Variants in FRMD5 observed in about 807,000 individuals in gnomAD.
FRMD5 encodes the protein FERM domain containing 5, also known as FERM domain-containing protein 5.
FRMD5 carries 20 observed loss-of-function variants against 69.0 expected under a neutral mutation model. That is an observed-to-expected ratio of 0.29 (90% CI 0.20 to 0.42). FRMD5 has a LOEUF of 0.42. Ranked by LOEUF, FRMD5 falls within the 10% of genes least tolerant of loss-of-function variation. The probability of loss-of-function intolerance (pLI) is 1.00; values close to 1 mark genes in which losing one functional copy is unlikely to be tolerated. For missense variants in FRMD5, 595 were observed against 708.6 expected (o/e 0.84, Z 1.82); for synonymous variants, 271 against 260.1 (o/e 1.04, Z -0.40).
At chr15:44,143,226 C>T (rs2077300483) in intron 1 of FRMD5, among the ~76,000 whole-genome samples, 1 of 152,180 alleles carries the variant, frequency 6.6e-6, no homozygotes, top group South Asian at 2.1e-4. Context: ...AGACACAGTA[C>T]ACCCTGAACA....
chr15:44,085,622 A>G (rs1424649351), intron 1 of FRMD5, among the ~76,000 whole-genome samples: 1 of 152,184 alleles, frequency 6.6e-6, no homozygotes, highest in African/African-American at 2.4e-5. Flanking sequence ...AAGTCTGGGC[A>G]TTATCTTATA....
chr15:43,888,246 T>C lies in FRMD5; in HGVS notation c.813A>G (p.Thr271=). The C allele has an allele frequency of 1.2e-6, 2 of 1,613,694 alleles. No individual in the cohort carries two copies. The highest frequency in any genetic ancestry group is 8.5e-7 in the Non-Finnish European group (1 of 1,179,642). Residue 271 remains threonine, a synonymous_variant, in exon 10 of 14, where the codon ACA becomes ACG. Transcript: ENST00000417257. The stretch of plus-strand genomic sequence containing the variant: ...ACGCTTCAGGAGTTGGAGCAAAATA[T>C]GTAAGAATAATTTTCTTTTCCTGCA... ...SQKEEKKIIL[T]YFAPTPEACK... is the part of the protein sequence containing the mutation.
chr15:44,195,122 C>G lies in FRMD5; in HGVS notation c.-68G>C. On this transcript the variant is annotated 5_prime_UTR_variant, in exon 1 of 14. Transcript: ENST00000417257. ...ACCCTGGACCAGGCGTCCCTCAGCC[C>G]GGCAGCTCCGCACCGACCCCAGGCA... 1 of 1,316,916 alleles carries G rather than the reference C, an allele frequency of 7.6e-7. No homozygotes were observed. The highest frequency in any genetic ancestry group is 2.7e-5 in the East Asian group (1 of 36,750). 81.6% of individuals were successfully genotyped at this position (1,316,916 alleles called of 1,614,324 possible).
intron 1 of FRMD5, among the ~76,000 whole-genome samples, chr15:44,129,842 C>G (rs2077074171): frequency 6.6e-6 from 1 of 152,156 alleles, no homozygotes; most frequent in Non-Finnish European, 1.5e-5. Flanking sequence ...TGCAGCAGTT[C>G]CTCAGGTTAG....
intron 1 of FRMD5, chr15:44,064,170 C>A: frequency 4.6e-6 from 1 of 216,516 alleles, no homozygotes; most frequent in Non-Finnish European, 9.1e-6. Context: ...TGGGTAAGGT[C>A]ATCCCTGAGC....
At chr15:44,018,164 T>C (rs1891055022) in intron 1 of FRMD5, among the ~76,000 whole-genome samples, 1 of 152,126 alleles carries the variant, frequency 6.6e-6, no homozygotes, top group African/African-American at 2.4e-5. Context: ...CATCAAAGTA[T>C]TTAATATGGT....
chr15:44,024,230 T>A (rs182267000), intron 1 of FRMD5, among the ~76,000 whole-genome samples: 2 of 152,224 alleles, frequency 1.3e-5, no homozygotes, highest in African/African-American at 4.8e-5. Flanking sequence ...TTTTTTTTTT[T>A]ATGATTTTCG....
intron 1 of FRMD5, among the ~76,000 whole-genome samples, chr15:44,138,692 T>C (rs1389682488): frequency 1.3e-5 from 2 of 152,086 alleles, no homozygotes; most frequent in South Asian, 2.1e-4. Flanking sequence ...GCAAGACAGG[T>C]TGGTGGTCAC....
At chr15:43,889,441 C>T (rs925061382) in intron 8 of FRMD5, among the ~76,000 whole-genome samples, 1 of 152,176 alleles carries the variant, frequency 6.6e-6, no homozygotes, top group Non-Finnish European at 1.5e-5. Flanking sequence ...TTACATGGAA[C>T]AGTCATGCAG....
intron 1 of FRMD5, among the ~76,000 whole-genome samples, chr15:44,174,438 T>C (rs2077858325): frequency 1.3e-5 from 2 of 152,216 alleles, no homozygotes; most frequent in African/African-American, 2.4e-5. Context: ...CACCTATTTC[T>C]ATAATGTATT....
At chr15:44,165,806 G>C (rs992087879) in intron 1 of FRMD5, among the ~76,000 whole-genome samples, 5 of 151,754 alleles carry the variant, frequency 3.3e-5, no homozygotes, top group African/African-American at 9.7e-5. Context: ...ACTCCAGCCT[G>C]GGCGACAGAG....
chr15:43,942,407 T>C (rs1279574757), intron 1 of FRMD5, among the ~76,000 whole-genome samples: 1 of 152,240 alleles, frequency 6.6e-6, no homozygotes, highest in Non-Finnish European at 1.5e-5. Flanking sequence ...AAACTCATTA[T>C]AGTTTTAACA....
chr15:44,180,751 C>T (rs1037548145), intron 1 of FRMD5, among the ~76,000 whole-genome samples: 1 of 152,084 alleles, frequency 6.6e-6, no homozygotes, highest in African/African-American at 2.4e-5. Flanking sequence ...TGCTACTGCA[C>T]TCCAGCCTGG....
intron 1 of FRMD5, among the ~76,000 whole-genome samples, chr15:44,106,241 C>G (rs2076716471): frequency 6.6e-6 from 1 of 152,182 alleles, no homozygotes; most frequent in African/African-American, 2.4e-5. Flanking sequence ...ATTCTTCATG[C>G]ATAGAAAGAC....
In FRMD5 at chr15:43,902,243, A is replaced by T; in HGVS notation, c.571T>A (p.Ser191Thr). The change falls in exon 7 of 14, where the codon TCA (serine) becomes ACA (threonine). Residue 191 changes from serine (S) to threonine (T), a missense_variant. Coordinates refer to ENST00000417257, the MANE Select transcript of FRMD5 (RefSeq NM_032892.5). The part of the protein sequence containing the change: ...TELSGQTPAT[S>T]ELNFLRKAQT... Reference sequence around the variant, plus strand: ...GCTTTTCTTAAGAAGTTCAGCTCTGATGTTGCTGGTGTTTGACCACTGGAA... The same window carrying T: ...GCTTTTCTTAAGAAGTTCAGCTCTGTTGTTGCTGGTGTTTGACCACTGGAA... 6.2e-7 allele frequency: 1 copy of T among 1,614,040 alleles called. No homozygotes were observed. The highest frequency in any genetic ancestry group is 8.5e-7 in the Non-Finnish European group (1 of 1,179,888).
At chr15:43,911,630 C>T (rs2089289282) in intron 4 of FRMD5, among the ~76,000 whole-genome samples, 1 of 152,224 alleles carries the variant, frequency 6.6e-6, no homozygotes, top group South Asian at 2.1e-4. Context: ...GACCCATAGA[C>T]ACTCTGAGAC....
upstream of FRMD5, among the ~76,000 whole-genome samples, chr15:44,196,268 C>T (rs2078295248): frequency 2.0e-5 from 3 of 152,070 alleles, no homozygotes; most frequent in African/African-American, 7.2e-5. Context: ...TCGAAACCAG[C>T]CTGACCAACA....
At chr15:44,064,922 C>A (rs1893246274) in intron 1 of FRMD5, among the ~76,000 whole-genome samples, 1 of 152,154 alleles carries the variant, frequency 6.6e-6, no homozygotes, top group Admixed American at 6.5e-5. Flanking sequence ...GTATATTACA[C>A]AATAAAAACA....
intron 1 of FRMD5, among the ~76,000 whole-genome samples, chr15:44,036,457 T>C (rs1052825705): frequency 2.0e-5 from 3 of 152,174 alleles, no homozygotes; most frequent in African/African-American, 7.2e-5. Flanking sequence ...CACCGGCAGC[T>C]GGGCCCTTGC....
Sources: allele counts gnomAD v4.1 joint callset (sites outside exome capture counted in the v4.1 genomes callset), GRCh38; gene constraint gnomAD v4.1.1; transcripts MANE v1.5; gene names NCBI Gene and HGNC (gene_info 2026-07-23, HGNC 2026-07-21).